CEP72: variants seen among roughly 807,000 people sequenced by gnomAD.
CEP72 encodes the protein centrosomal protein of 72 kDa.
A neutral mutation model predicts 65.7 loss-of-function variants in CEP72; 78 were observed. The ratio of observed to expected loss-of-function variants is 1.19; its 90% CI spans 0.99 to 1.43. The LOEUF (loss-of-function observed/expected upper bound fraction) is 1.43. CEP72 is among the 40% of genes most tolerant of loss of function. CEP72 has a pLI of 0.00. For missense variants in CEP72, 914 were observed against 832.9 expected (o/e 1.10, Z -1.20); for synonymous variants, 358 against 351.7 (o/e 1.02, Z -0.20).
intron 1 of CEP72, chr5:663,376 C>T (rs1476739100): frequency 6.6e-6 from 1 of 152,474 alleles, no homozygotes; most frequent in East Asian, 1.9e-4. Context: ...AAAGGAGCCA[C>T]GAAGCCTGAG....
At chr5:666,378 T>C (rs552393723) in intron 4 of CEP72, among the ~76,000 whole-genome samples, 21 of 152,234 alleles carry the variant, frequency 1.4e-4, no homozygotes, top group Admixed American at 4.6e-4. Flanking sequence ...GTCTGCACTC[T>C]GCTGGGGCAG....
At chr5:617,707 C>T (rs879805403) in intron 1 of CEP72, among the ~76,000 whole-genome samples, 8 of 152,090 alleles carry the variant, frequency 5.3e-5, no homozygotes, top group Admixed American at 4.6e-4. Context: ...AACAGGGAAA[C>T]GTGGGGTTTT....
At position 641,417 on chromosome 5, in the gene CEP72, C is replaced by G. The variant is rs919193648; in HGVS notation, c.1539+813C>G. The G allele has an allele frequency of 5.1e-6, 5 of 985,312 alleles. No homozygotes were observed. In the South Asian group the frequency reaches 1.9e-4, roughly 37 times the overall value. 61.0% of individuals were successfully genotyped at this position (985,312 alleles called of 1,614,324 possible). A position where few individuals can be genotyped will look rare whatever the true frequency, so the allele number is the denominator to read the frequency against. On this transcript the variant is annotated intron_variant, in intron 9 of 11. Coordinates refer to ENST00000264935, the MANE Select transcript of CEP72 (RefSeq NM_018140.4). ...CTTTAAATTGCGAGTGAAGTCGGCC[C>G]GGGACGGCTTCGAAAACTGCCTCTG... is the stretch of plus-strand genomic sequence containing the variant.
chr5:620,675 C>G (rs1286858112), intron 3 of CEP72, among the ~76,000 whole-genome samples: 2 of 152,254 alleles, frequency 1.3e-5, no homozygotes, highest in African/African-American at 2.4e-5. Context: ...CTTGGAAGCA[C>G]ACAGGACAAG....
chr5:619,116 A>G lies in CEP72; in HGVS notation c.209A>G (p.Glu70Gly), dbSNP rs774029207. 1.2e-6 allele frequency: 2 copies of G among 1,610,050 alleles called. No homozygotes were observed. Among genetic ancestry groups the G allele is most frequent in the Non-Finnish European group, 1.7e-6 (2 of 1,177,106 alleles). Reference sequence around the variant, plus strand: ...TCGCGCAACTCCTTGGTTAGTCTGGAGGTAAGTTTTAGGTCTCTTTCTTAA... The same window carrying G: ...TCGCGCAACTCCTTGGTTAGTCTGGGGGTAAGTTTTAGGTCTCTTTCTTAA... ...DLSRNSLVSL[E>G]GIQYLTALES... The change falls in exon 2 of 12, where the codon GAG (glutamate) becomes GGG (glycine). Residue 70 changes from glutamate (E) to glycine (G), a missense_variant and splice_region_variant. Transcript: ENST00000264935.
intron 4 of CEP72, chr5:666,223 GCCCACAGGCTTCA>G (rs1739907108): frequency 7.2e-7 from 1 of 1,397,186 alleles, no homozygotes; most frequent in Non-Finnish European, 9.7e-7. Flanking sequence ...TGGCCCAGCA[GCCCACAGGCTTCA>G]CCCACAGGCG....
At chr5:648,663 G>T (rs1273689771) in intron 11 of CEP72, among the ~76,000 whole-genome samples, 2 of 127,358 alleles carry the variant, frequency 1.6e-5, no homozygotes, top group Admixed American at 1.7e-4. Flanking sequence ...AGGTGTGACT[G>T]TGAGGTGTGG....
At chr5:666,042 C>T (rs773819339) in exon 4 of CEP72, 26 of 1,611,818 alleles carry the variant, frequency 1.6e-5, no homozygotes, top group Non-Finnish European at 2.2e-5. Context: ...CCTCGCTGCT[C>T]TTGTCTTTGA....
At chr5:676,324 AT>A in the CEP72 span, 1 of 152,274 alleles carries the variant, frequency 6.6e-6, no homozygotes, top group East Asian at 1.9e-4. Flanking sequence ...CACATGTGAC[AT>A]CGCCACGGAG....
rs1579944380 is a variant in CEP72 at position 624,715 on chromosome 5, C to T, written c.512+136C>T. On this transcript the variant is annotated intron_variant, in intron 4 of 11. Coordinates refer to ENST00000264935, the MANE Select transcript of CEP72 (RefSeq NM_018140.4). The surrounding 1 kb of genome is among the most constrained non-coding windows in gnomAD (Gnocchi z 4.7). The stretch of plus-strand genomic sequence containing the variant: ...CAGGAGGGAGGAAGGGCAGAGCCTG[C>T]CTGGCGGGGACTCCGTGGACAGTGG... 2 of 683,272 alleles carry T rather than the reference C, an allele frequency of 2.9e-6. No individual in the cohort carries two copies. The highest frequency in any genetic ancestry group is 2.7e-5 in the East Asian group (1 of 36,810). 42.3% of individuals were successfully genotyped at this position (683,272 alleles called of 1,614,324 possible). A position where few individuals can be genotyped will look rare whatever the true frequency, so the allele number is the denominator to read the frequency against.
Position 637,565 on chromosome 5 carries a change from C to T in CEP72, c.953C>T (p.Ser318Leu). 6.2e-7 allele frequency: 1 copy of T among 1,614,014 alleles called. No homozygotes were observed. The highest frequency in any genetic ancestry group is 1.1e-5 in the South Asian group (1 of 91,062). The change falls in exon 7 of 12, where the codon TCA becomes TTA. Residue 318 changes from serine (S) to leucine (L), a missense_variant. By Grantham distance (145) the Ser-to-Leu change is moderately radical. Transcript: ENST00000264935. ...GCCTCTTCTCAGAAGTTGGATTTGT[C>T]AGGAGAAATGGTGCCTGGTCCCCTG... ...DSASSQKLDL[S>L]GEMVPGPLPA...
In CEP72 at chr5:624,554, G is replaced by C; in HGVS notation, c.487G>C (p.Val163Leu). Residue 163 changes from valine to leucine, a missense_variant, in exon 4 of 12, where the codon GTC becomes CTC. Transcript: ENST00000264935. This position sits in a 1 kb window ranked among gnomAD's most constrained non-coding sequence, Gnocchi z 4.7. ...GGACTCACTCGACTCCAAAGAGAGC[G>C]TCCCAGCTTCTTTGAAAGAGGGCAG... ...SEDSLDSKESVPASLKEGRPH... is the reference protein window; with the variant it reads ...SEDSLDSKESLPASLKEGRPH... 1.2e-6 allele frequency: 2 copies of C among 1,613,674 alleles called. 1 individual carries two copies.
At chr5:672,650 C>T in the CEP72 span, among the ~76,000 whole-genome samples, 35 of 152,238 alleles carry the variant, frequency 2.3e-4, no homozygotes, top group Non-Finnish European at 4.6e-4. Context: ...CCTGAGGCAC[C>T]CATGGCATGG....
chr5:668,759 A>ACCAAACC (rs1446462726), downstream of CEP72, among the ~76,000 whole-genome samples: 1 of 152,244 alleles, frequency 6.6e-6, no homozygotes. Flanking sequence ...GCTCGTAGTC[A>ACCAAACC]CCAAACCCCA....
intron 4 of CEP72, among the ~76,000 whole-genome samples, chr5:632,062 C>T (rs1446979637): frequency 4.4e-5 from 2 of 45,762 alleles, no homozygotes. Flanking sequence ...CTGTCCAGTG[C>T]CGGGATTTGG....
chr5:660,611 G>T, downstream of CEP72: 1 of 152,478 alleles, frequency 6.6e-6, no homozygotes. Context: ...GCCCACAGGA[G>T]GAGATGAGCT....
In CEP72 at chr5:644,376, GGAAGT is replaced by G; in HGVS notation, c.1622_1626del (p.Val541GlufsTer58). 2 of 1,613,944 alleles carry G rather than the reference GGAAGT, an allele frequency of 1.2e-6. No homozygotes were observed. Among genetic ancestry groups the G allele is most frequent in the South Asian group, 1.1e-5 (1 of 91,082 alleles). On this transcript the variant is annotated frameshift_variant, in exon 10 of 12. Transcript: ENST00000264935. LOFTEE classifies it high-confidence loss of function. ...AATCGCTTTTGTTGAGTATGAAAAA[GGAAGT>G]GAAGAGTGCAGACACTGCAGCCACG...
intron 1 of CEP72, chr5:612,665 GC>G (rs1346110490): frequency 3.1e-6 from 3 of 958,690 alleles, no homozygotes; most frequent in South Asian, 4.9e-5. Flanking sequence ...CGGCGTCCCG[GC>G]CCCTGCCTGT....
At chr5:616,632 T>TG in intron 1 of CEP72, among the ~76,000 whole-genome samples, 1 of 152,282 alleles carries the variant, frequency 6.6e-6, no homozygotes, top group Middle Eastern at 3.4e-3. Flanking sequence ...GCCACCTTGT[T>TG]GCCGGGACAG....
Sources: allele counts gnomAD v4.1 joint callset (sites outside exome capture counted in the v4.1 genomes callset), GRCh38; gene constraint gnomAD v4.1.1; non-coding constraint Gnocchi (gnomAD v3.1); transcripts MANE v1.5; gene names NCBI Gene and HGNC (gene_info 2026-07-23, HGNC 2026-07-21).